PDE1C: variants seen among roughly 807,000 people sequenced by gnomAD.
PDE1C encodes the protein dual specificity calcium/calmodulin-dependent 3',5'-cyclic nucleotide phosphodiesterase 1C.
PDE1C carries 62 observed loss-of-function variants against 93.1 expected under a neutral mutation model. That is an observed-to-expected ratio of 0.67 (90% CI 0.54 to 0.82). PDE1C has a LOEUF of 0.82. Ranked by LOEUF, PDE1C falls within the 40% of genes least tolerant of loss-of-function variation. PDE1C has a pLI of 0.00. For synonymous variants in PDE1C, 325 were observed against 310.1 expected (o/e 1.05, Z -0.50); for missense variants, 742 against 884.6 (o/e 0.84, Z 2.04).
chr7:32,223,382 C>T (rs1364819173), intron 1 of PDE1C, among the ~76,000 whole-genome samples: 1 of 152,166 alleles, frequency 6.6e-6, no homozygotes, highest in Non-Finnish European at 1.5e-5. Flanking sequence ...GTTATCCCCA[C>T]TTTACTCATG....
At chr7:32,340,522 G>A (rs887425006) in intron 1 of PDE1C, among the ~76,000 whole-genome samples, 3 of 152,152 alleles carry the variant, frequency 2.0e-5, no homozygotes, top group Admixed American at 1.3e-4. Context: ...TGAAACACAC[G>A]CGAAGGAATT....
the PDE1C span, chr7:31,652,717 C>A: frequency 6.2e-7 from 1 of 1,613,938 alleles, no homozygotes; most frequent in Non-Finnish European, 8.5e-7. Flanking sequence ...ACTCCACCCA[C>A]CTTGGAGAAC....
At chr7:32,188,945 CA>C (rs981033955) in intron 2 of PDE1C, among the ~76,000 whole-genome samples, 14 of 152,150 alleles carry the variant, frequency 9.2e-5, no homozygotes, top group African/African-American at 3.1e-4. Context: ...TGTATTCAAA[CA>C]GCTAGTTATC....
intron 6 of PDE1C, among the ~76,000 whole-genome samples, chr7:31,872,259 T>C (rs999404788): frequency 1.3e-5 from 2 of 151,842 alleles, no homozygotes; most frequent in Non-Finnish European, 2.9e-5. Flanking sequence ...TAAAGAGGGA[T>C]TGGTTAATGG....
intron 1 of PDE1C, among the ~76,000 whole-genome samples, chr7:32,386,892 T>G (rs148687639): frequency 6.6e-6 from 1 of 152,160 alleles, no homozygotes; most frequent in African/African-American, 2.4e-5. Flanking sequence ...TATTTTTTTT[T>G]TTATTGATCA....
chr7:31,735,367 CA>C, the PDE1C span, among the ~76,000 whole-genome samples: 1 of 148,652 alleles, frequency 6.7e-6, no homozygotes. Context: ...CATTGCACTC[CA>C]GCCTGGGCAA....
chr7:32,308,804 C>G (rs1381229993), intron 1 of PDE1C, among the ~76,000 whole-genome samples: 3 of 151,980 alleles, frequency 2.0e-5, no homozygotes, highest in Non-Finnish European at 4.4e-5. Flanking sequence ...GGGGAAAAAA[C>G]AGAGCAGAAA....
intron 1 of PDE1C, among the ~76,000 whole-genome samples, chr7:32,325,987 G>A (rs1231195073): frequency 2.6e-5 from 4 of 152,046 alleles, no homozygotes; most frequent in African/African-American, 7.2e-5. Context: ...GTTGGAAGTA[G>A]TGAGATTCTA....
chr7:31,642,711 T>A, the PDE1C span: 24 of 1,613,970 alleles, frequency 1.5e-5, no homozygotes, highest in Admixed American at 3.2e-4. Flanking sequence ...GCCAGAGTCC[T>A]GCTGAGAATG....
the PDE1C span, among the ~76,000 whole-genome samples, chr7:31,658,102 T>A: frequency 6.6e-6 from 1 of 152,206 alleles, no homozygotes; most frequent in South Asian, 2.1e-4. Context: ...AAGACCCAAG[T>A]TGCATCATGG....
At chr7:32,307,691 AC>A (rs1585100011) in intron 1 of PDE1C, among the ~76,000 whole-genome samples, 1 of 152,304 alleles carries the variant, frequency 6.6e-6, no homozygotes, top group East Asian at 1.9e-4. Context: ...CCAGGTTCAC[AC>A]GATCAAAGCA....
intron 17 of PDE1C, among the ~76,000 whole-genome samples, chr7:31,759,348 G>A (rs967911955): frequency 1.3e-5 from 2 of 152,044 alleles, no homozygotes; most frequent in Non-Finnish European, 2.9e-5. Context: ...GAAGGGGTCC[G>A]ACCCTCCTCC....
intron 1 of PDE1C, among the ~76,000 whole-genome samples, chr7:32,305,623 C>A (rs1344367517): frequency 6.6e-6 from 1 of 152,216 alleles, no homozygotes; most frequent in African/African-American, 2.4e-5. Flanking sequence ...AGCTTCTACA[C>A]ACTTGTCAAG....
intron 16 of PDE1C, among the ~76,000 whole-genome samples, chr7:31,791,939 C>G (rs1784635117): frequency 6.6e-6 from 1 of 152,026 alleles, no homozygotes; most frequent in Admixed American, 6.6e-5. Context: ...GTGGAGTGTT[C>G]CCTCTGGCTG....
At chr7:31,958,979 T>C (rs1256632917) in intron 2 of PDE1C, among the ~76,000 whole-genome samples, 1 of 152,158 alleles carries the variant, frequency 6.6e-6, no homozygotes. Context: ...CACTTCTTCC[T>C]ATCACCCCTT....
At position 32,103,618 on chromosome 7, in the gene PDE1C, G is replaced by A. The variant is rs141239769; in HGVS notation, c.308+66167C>T. ...CAGGAAACAGGAAAGCCCAACAATCGACAAGACCCACCCACATAGAGAGGG... is the reference window on the plus strand; with the variant it reads ...CAGGAAACAGGAAAGCCCAACAATCAACAAGACCCACCCACATAGAGAGGG... On this transcript the variant is annotated intron_variant, in intron 3 of 18. Coordinates refer to the PDE1C transcript ENST00000396193. Among the ~76,000 whole-genome samples the A allele has an allele frequency of 5.8e-4, 89 of 152,246 alleles. 1 individual carries two copies. Among genetic ancestry groups the A allele is most frequent in the Admixed American group, 3.1e-3 (47 of 15,296 alleles).
chr7:31,908,776 C>T (rs1800892301), intron 2 of PDE1C, among the ~76,000 whole-genome samples: 1 of 152,160 alleles, frequency 6.6e-6, no homozygotes, highest in Non-Finnish European at 1.5e-5. Flanking sequence ...GTTATATGTC[C>T]ACTTGGCTAG....
intron 1 of PDE1C, among the ~76,000 whole-genome samples, chr7:32,224,386 T>C (rs1430548418): frequency 4.6e-5 from 7 of 150,580 alleles, no homozygotes; most frequent in Non-Finnish European, 1.0e-4. Flanking sequence ...AAAAAAAGAC[T>C]GCAGGCTTTA....
chr7:32,148,081 C>A (rs56026548), intron 3 of PDE1C, among the ~76,000 whole-genome samples: 1 of 149,386 alleles, frequency 6.7e-6, no homozygotes, highest in Non-Finnish European at 1.5e-5. Flanking sequence ...CCTTGCTGAA[C>A]TCCCTGCTGG....
Sources: allele counts gnomAD v4.1 joint callset (sites outside exome capture counted in the v4.1 genomes callset), GRCh38; gene constraint gnomAD v4.1.1; transcripts MANE v1.5; gene names NCBI Gene and HGNC (gene_info 2026-07-23, HGNC 2026-07-21).